KLHL1: variants seen among roughly 807,000 people sequenced by gnomAD.
KLHL1 encodes the protein kelch-like protein 1.
Under a neutral mutation model 77.7 loss-of-function variants are expected in KLHL1, and 47 were observed. The ratio of observed to expected loss-of-function variants is 0.60; its 90% CI spans 0.48 to 0.77. KLHL1 has a LOEUF of 0.77. Ranked by LOEUF, KLHL1 falls within the 30% of genes least tolerant of loss-of-function variation. KLHL1 has a pLI of 0.00. For synonymous variants in KLHL1, 360 were observed against 325.2 expected, an observed-to-expected ratio of 1.11 and a Z score of -1.15; for missense variants, 925 against 910.8, an observed-to-expected ratio of 1.02 and a Z score of -0.20.
intron 4 of KLHL1, among the ~76,000 whole-genome samples, chr13:69,919,817 A>G (rs1187658317): frequency 6.6e-6 from 1 of 152,176 alleles, no homozygotes; most frequent in Admixed American, 6.5e-5. Context: ...GTAAAAAATA[A>G]AAATAAAAAA....
chr13:69,987,573 T>A (rs61089671), intron 1 of KLHL1, among the ~76,000 whole-genome samples: 21,869 of 151,362 alleles, frequency 0.14, 3,221 homozygotes, highest in African/African-American at 0.38. Flanking sequence ...GTAAAGGGAA[T>A]GAGGGAAGGA....
intron 6 of KLHL1, among the ~76,000 whole-genome samples, chr13:69,826,241 G>C (rs1047369776): frequency 2.0e-5 from 3 of 152,226 alleles, no homozygotes; most frequent in African/African-American, 7.2e-5. Context: ...GAATAAGTTA[G>C]AGATCAATTA....
chr13:69,851,465 A>G (rs752614316), intron 5 of KLHL1, among the ~76,000 whole-genome samples: 58 of 151,752 alleles, frequency 3.8e-4, no homozygotes, highest in Non-Finnish European at 7.2e-4. Context: ...TGAAAGAAAC[A>G]CTTACTTGAT....
rs74422537 is a variant in KLHL1, at chr13:69,795,031, G to T, written c.1639+1707C>A. On this transcript the variant is annotated intron_variant, in intron 7 of 10. Transcript: ENST00000377844. ...GAGGATGTTTATTGTATTTGAGTACGATACATAATGCCGAATTTCCTATGA... is the reference window on the plus strand; with the variant it reads ...GAGGATGTTTATTGTATTTGAGTACTATACATAATGCCGAATTTCCTATGA... 5.7e-3 allele frequency among the ~76,000 whole-genome samples: 863 copies of T among 152,220 alleles called. 4 individuals are homozygous for T. Among genetic ancestry groups the T allele is most frequent in the African/African-American group, 0.019 (796 of 41,538 alleles).
chr13:70,107,598 C>A lies in KLHL1; in HGVS notation c.102G>T (p.Gly34=). Residue 34 remains glycine, a synonymous_variant, in exon 1 of 11, where the codon GGG becomes GGT. Coordinates refer to ENST00000377844, the MANE Select transcript of KLHL1 (RefSeq NM_020866.3). ...HPSPSTGGPA[G]GGCLQQDGSG... Reference sequence around the variant, plus strand: ...TGCCGTCCTGTTGCAGGCAGCCTCCCCCCGCCGGGCCGCCGGTGGAAGGAG... The same window carrying A: ...TGCCGTCCTGTTGCAGGCAGCCTCCACCCGCCGGGCCGCCGGTGGAAGGAG... 5 of 1,596,920 alleles carry A rather than the reference C, an allele frequency of 3.1e-6. No homozygotes were observed. Among genetic ancestry groups the A allele is most frequent in the Non-Finnish European group, 4.3e-6 (5 of 1,171,686 alleles).
chr13:69,917,723 T>TA (rs1259050102), intron 4 of KLHL1, among the ~76,000 whole-genome samples: 1 of 152,170 alleles, frequency 6.6e-6, no homozygotes, highest in Non-Finnish European at 1.5e-5. Flanking sequence ...TTCTTCCATA[T>TA]ATAGGTCTTT....
intron 7 of KLHL1, among the ~76,000 whole-genome samples, chr13:69,782,850 A>G (rs1421798939): frequency 6.6e-6 from 1 of 152,220 alleles, no homozygotes; most frequent in Non-Finnish European, 1.5e-5. Context: ...TCTGAGAATG[A>G]GCAGACTGCC....
At chr13:70,062,907 T>G (rs1886924964) in intron 1 of KLHL1, among the ~76,000 whole-genome samples, 1 of 152,212 alleles carries the variant, frequency 6.6e-6, no homozygotes, top group Non-Finnish European at 1.5e-5. Flanking sequence ...TCAATTTTTT[T>G]CATGTTCAAA....
chr13:69,720,432 C>T (rs1006618898), intron 8 of KLHL1, among the ~76,000 whole-genome samples: 2 of 152,004 alleles, frequency 1.3e-5, no homozygotes, highest in African/African-American at 4.8e-5. Context: ...ATTGTTAAAA[C>T]TTTTATTGAT....
At chr13:69,770,816 T>A (rs1875527641) in intron 7 of KLHL1, among the ~76,000 whole-genome samples, 1 of 152,206 alleles carries the variant, frequency 6.6e-6, no homozygotes, top group Non-Finnish European at 1.5e-5. Context: ...TGGCACGAGC[T>A]GGGCTCACTG....
chr13:70,059,828 G>A (rs1886834185), intron 1 of KLHL1, among the ~76,000 whole-genome samples: 1 of 152,116 alleles, frequency 6.6e-6, no homozygotes, highest in Admixed American at 6.5e-5. Context: ...GACTTAAAAG[G>A]AGGAAGAGAG....
chr13:69,848,239 C>T (rs544996958), intron 5 of KLHL1, among the ~76,000 whole-genome samples: 2 of 151,622 alleles, frequency 1.3e-5, no homozygotes, highest in South Asian at 2.1e-4. Context: ...GACAATTATG[C>T]TGGAAACTTG....
chr13:69,707,941 T>C (rs549109318), intron 9 of KLHL1, 145 bp from the exon 10 acceptor site: 1 of 585,584 alleles, frequency 1.7e-6, no homozygotes, highest in Non-Finnish European at 2.9e-6. Flanking sequence ...GCAGGTATTC[T>C]AGAATGAACA....
chr13:69,816,476 C>T (rs971116170), intron 6 of KLHL1, among the ~76,000 whole-genome samples: 4 of 151,616 alleles, frequency 2.6e-5, no homozygotes, highest in African/African-American at 9.7e-5. Flanking sequence ...GTTGGCCAGG[C>T]TGGTCTTGAA....
intron 1 of KLHL1, among the ~76,000 whole-genome samples, chr13:70,082,894 G>A (rs983635619): frequency 2.6e-5 from 4 of 152,124 alleles, no homozygotes; most frequent in South Asian, 4.1e-4. Flanking sequence ...AATACTCTAT[G>A]TTCTTACTTA....
At chr13:69,968,934 G>T (rs888427002) in intron 2 of KLHL1, among the ~76,000 whole-genome samples, 1 of 152,088 alleles carries the variant, frequency 6.6e-6, no homozygotes, top group Non-Finnish European at 1.5e-5. Flanking sequence ...TTATAGTGAT[G>T]CTTACATCTA....
chr13:70,052,144 C>G (rs1886643805), intron 1 of KLHL1, among the ~76,000 whole-genome samples: 1 of 151,822 alleles, frequency 6.6e-6, no homozygotes, highest in South Asian at 2.1e-4. Context: ...GTAAGCAGCA[C>G]AAATTCTGAT....
intron 5 of KLHL1, among the ~76,000 whole-genome samples, chr13:69,852,498 T>C (rs2911520): frequency 0.99 from 150,903 of 152,060 alleles, 74,884 homozygotes; most frequent in East Asian, 1. Context: ...TGTTTTAGCC[T>C]TATTTCAATT....
intron 1 of KLHL1, among the ~76,000 whole-genome samples, chr13:70,077,125 A>ATT: frequency 6.6e-6 from 1 of 151,936 alleles, no homozygotes. Context: ...GCTTTTAGAT[A>ATT]TTTACTCAAA....
Sources: allele counts gnomAD v4.1 joint callset (sites outside exome capture counted in the v4.1 genomes callset), GRCh38; gene constraint gnomAD v4.1.1; transcripts MANE v1.5; gene names NCBI Gene and HGNC (gene_info 2026-07-23, HGNC 2026-07-21).